Variants in ABCC5 observed in about 807,000 individuals in gnomAD.
ABCC5 encodes ATP binding cassette subfamily C member 5, also known as ATP-binding cassette sub-family C member 5.
In ABCC5, 61 loss-of-function variants were observed where a neutral mutation model predicts 160.9. That is an observed-to-expected ratio of 0.38 (90% CI 0.31 to 0.47). The LOEUF is 0.47. Ranked by LOEUF, ABCC5 falls within the 20% of genes least tolerant of loss-of-function variation. ABCC5 has a pLI of 0.99. For synonymous variants in ABCC5, 666 were observed against 700.6 expected, an observed-to-expected ratio of 0.95 and a Z score of 0.78; for missense variants, 1,308 against 1,813.3, an observed-to-expected ratio of 0.72 and a Z score of 5.06.
chr3:183,984,244 T>C (rs1718996389), intron 5 of ABCC5: 1 of 985,708 alleles, frequency 1.0e-6, no homozygotes, highest in Middle Eastern at 5.2e-4. Context: ...GGCATCCTTC[T>C]GGGTCTTTTC....
chr3:183,929,125 C>T (rs766886445), intron 26 of ABCC5, among the ~76,000 whole-genome samples: 2 of 151,998 alleles, frequency 1.3e-5, no homozygotes, highest in South Asian at 2.1e-4. Context: ...TTTTCCTGTG[C>T]GTGTATTTGT....
At chr3:183,980,315 T>C (rs1268437988) in intron 8 of ABCC5, among the ~76,000 whole-genome samples, 1 of 152,242 alleles carries the variant, frequency 6.6e-6, no homozygotes, top group Non-Finnish European at 1.5e-5. Flanking sequence ...TTATACACCT[T>C]GGCCATGTCT....
At chr3:183,931,257 G>C (rs9290778) in intron 26 of ABCC5, among the ~76,000 whole-genome samples, 43 of 152,052 alleles carry the variant, frequency 2.8e-4, no homozygotes, top group African/African-American at 8.4e-4. Context: ...ACAAAAGCGC[G>C]GTCTCCTGCC....
At chr3:183,938,718 T>C (rs994288438) in intron 25 of ABCC5, among the ~76,000 whole-genome samples, 6 of 152,230 alleles carry the variant, frequency 3.9e-5, no homozygotes, top group Non-Finnish European at 8.8e-5. Flanking sequence ...CAGCAAGCAG[T>C]TGAGGGGCAA....
chr3:183,963,822 A>G lies in ABCC5; in HGVS notation c.2032-234T>C, dbSNP rs1484711212. Among the ~76,000 whole-genome samples the G allele has an allele frequency of 1.3e-5, 2 of 152,164 alleles. No homozygotes were observed. Among genetic ancestry groups the G allele is most frequent in the African/African-American group, 4.8e-5 (2 of 41,418 alleles). Reference sequence around the variant, plus strand: ...ACCACTGCCATCTGGGTACCGATCAATCCTACATCTGGTCTTGCCAGTCCA... The same window carrying G: ...ACCACTGCCATCTGGGTACCGATCAGTCCTACATCTGGTCTTGCCAGTCCA... On this transcript the variant is annotated intron_variant, in intron 14 of 29. Coordinates refer to ENST00000334444, the MANE Select transcript of ABCC5 (RefSeq NM_005688.4). This position sits in a 1 kb window ranked among gnomAD's most constrained non-coding sequence, Gnocchi z 4.6.
chr3:183,958,656 CT>C (rs1156601572), intron 17 of ABCC5, among the ~76,000 whole-genome samples: 57 of 146,380 alleles, frequency 3.9e-4, no homozygotes, highest in Admixed American at 4.1e-4. Context: ...TTTCTTTCCT[CT>C]TTTTTTTTTT....
intron 18 of ABCC5, among the ~76,000 whole-genome samples, chr3:183,952,532 G>A (rs1170195040): frequency 6.6e-6 from 1 of 152,158 alleles, no homozygotes; most frequent in Non-Finnish European, 1.5e-5. Context: ...CAGGTGTTGA[G>A]GAAGGGACCC....
intron 2 of ABCC5, among the ~76,000 whole-genome samples, chr3:183,998,782 C>T (rs565649178): frequency 6.6e-6 from 1 of 152,174 alleles, no homozygotes; most frequent in East Asian, 1.9e-4. Flanking sequence ...AGGGTGAATA[C>T]CAGATTAAGA....
At chr3:183,970,170 G>A (rs1717605028) in intron 11 of ABCC5, among the ~76,000 whole-genome samples, 1 of 152,098 alleles carries the variant, frequency 6.6e-6, no homozygotes, top group Admixed American at 6.6e-5. Context: ...GGCTCTGGCA[G>A]GCACCACCTC....
intron 16 of ABCC5, among the ~76,000 whole-genome samples, chr3:183,960,748 CAG>C (rs1716645907): frequency 6.6e-6 from 1 of 151,980 alleles, no homozygotes; most frequent in Admixed American, 6.6e-5. Context: ...CCTGAGATAA[CAG>C]AAACTACTTA....
intron 26 of ABCC5, among the ~76,000 whole-genome samples, chr3:183,936,138 C>T (rs1713691992): frequency 1.3e-5 from 2 of 152,058 alleles, no homozygotes; most frequent in Non-Finnish European, 2.9e-5. Context: ...GACACAAGAG[C>T]TCTCCTTTCC....
chr3:183,951,819 AC>A lies in ABCC5; in HGVS notation c.2814+37del. 2 of 1,600,054 alleles carry A rather than the reference AC, an allele frequency of 1.2e-6. No individual in the cohort carries two copies. The highest frequency in any genetic ancestry group is 1.7e-6 in the Non-Finnish European group (2 of 1,171,622). Reference sequence around the variant, plus strand: ...CCACACCAAAGCCTGACCACAGGTCACCAGGGAGGAGGGCAGAGACCACCCA... The same window carrying A: ...CCACACCAAAGCCTGACCACAGGTCACAGGGAGGAGGGCAGAGACCACCCA... On this transcript the variant is annotated intron_variant, in intron 19 of 29. Transcript: ENST00000334444. The surrounding 1 kb of genome is among the most constrained non-coding windows in gnomAD (Gnocchi z 4.7).
chr3:183,936,480 TC>T (rs1238543302), intron 26 of ABCC5, among the ~76,000 whole-genome samples: 1 of 152,006 alleles, frequency 6.6e-6, no homozygotes, highest in African/African-American at 2.4e-5. Context: ...TACCAATTTT[TC>T]TGAAAACTGC....
chr3:184,008,324 A>G (rs1381327766), intron 2 of ABCC5, among the ~76,000 whole-genome samples: 1 of 152,278 alleles, frequency 6.6e-6, no homozygotes, highest in Non-Finnish European at 1.5e-5. Context: ...ATGTGCATAT[A>G]TAAATAGGAT....
At chr3:184,002,581 C>T (rs533764747) in intron 2 of ABCC5, among the ~76,000 whole-genome samples, 4 of 152,326 alleles carry the variant, frequency 2.6e-5, no homozygotes, top group African/African-American at 7.2e-5. Flanking sequence ...CGGGCGCTAA[C>T]GCCATCCTCA....
chr3:183,969,264 G>C (rs940548262), intron 11 of ABCC5, among the ~76,000 whole-genome samples: 1 of 152,192 alleles, frequency 6.6e-6, no homozygotes, highest in African/African-American at 2.4e-5. Flanking sequence ...GGCAAAATGA[G>C]GGTCAACATA....
chr3:183,997,973 C>A (rs1315113573), intron 2 of ABCC5, among the ~76,000 whole-genome samples: 1 of 151,900 alleles, frequency 6.6e-6, no homozygotes, highest in African/African-American at 2.4e-5. Context: ...TTTGTAGAGA[C>A]GGGTTCTTAC....
At chr3:183,940,344 C>CAAAA (rs780123476) in intron 25 of ABCC5, among the ~76,000 whole-genome samples, 1 of 121,626 alleles carries the variant, frequency 8.2e-6, no homozygotes, top group South Asian at 2.6e-4. Context: ...CTAAAAAATA[C>CAAAA]AAAAAAAAAA....
At chr3:183,964,295 C>T (rs1435940552) in intron 14 of ABCC5, among the ~76,000 whole-genome samples, 3 of 152,174 alleles carry the variant, frequency 2.0e-5, no homozygotes, top group Non-Finnish European at 4.4e-5. Flanking sequence ...TGTCTTATTC[C>T]TTTATATTCT....
Sources: allele counts gnomAD v4.1 joint callset (sites outside exome capture counted in the v4.1 genomes callset), GRCh38; gene constraint gnomAD v4.1.1; non-coding constraint Gnocchi (gnomAD v3.1); transcripts MANE v1.5; gene names NCBI Gene and HGNC (gene_info 2026-07-23, HGNC 2026-07-21).